The following SLC38A4 variants were observed in gnomAD, a reference collection of about 807,000 sequenced individuals.
The protein encoded by SLC38A4 is solute carrier family 38 member 4.
SLC38A4 carries 20 observed loss-of-function variants against 63.1 expected under a neutral mutation model. That is an observed-to-expected ratio of 0.32 (90% CI 0.22 to 0.46). The LOEUF (loss-of-function observed/expected upper bound fraction) is 0.46. Ranked by LOEUF, SLC38A4 falls within the 20% of genes least tolerant of loss-of-function variation. The pLI, the probability that SLC38A4 is intolerant of heterozygous loss-of-function variation, is 1.00. For synonymous variants in SLC38A4, 230 were observed against 225.5 expected (o/e 1.02, Z -0.18); for missense variants, 526 against 663.6 (o/e 0.79, Z 2.28).
At chr12:46,789,972 G>A (rs1938850856) in intron 3 of SLC38A4, among the ~76,000 whole-genome samples, 1 of 152,144 alleles carries the variant, frequency 6.6e-6, no homozygotes, top group South Asian at 2.1e-4. Context: ...CAGCTACTCA[G>A]GAGGCTGAAG....
intron 10 of SLC38A4, 87 bp from the exon 11 acceptor site, chr12:46,778,863 TG>T: frequency 8.0e-7 from 1 of 1,252,850 alleles, no homozygotes; most frequent in Non-Finnish European, 1.1e-6. Context: ...GCTTATAGGG[TG>T]GGGGGTGAGG....
At chr12:46,780,289 G>A (rs1430864774) in intron 7 of SLC38A4, among the ~76,000 whole-genome samples, 3 of 151,976 alleles carry the variant, frequency 2.0e-5, no homozygotes, top group Non-Finnish European at 4.4e-5. Flanking sequence ...TGAAGCTGCA[G>A]TTCTAAGGTT....
In SLC38A4 at chr12:46,818,216, G is replaced by T. The variant is rs893592214; in HGVS notation, c.-305+7687C>A. On this transcript the variant is annotated intron_variant, in intron 1 of 16. Transcript: ENST00000266579. Reference sequence around the variant, plus strand: ...TCTTGCTGTCACTCATCTTCTGGGAGTATTCTGTAAACTATTGGTAGGTTA... The same window carrying T: ...TCTTGCTGTCACTCATCTTCTGGGATTATTCTGTAAACTATTGGTAGGTTA... Among the ~76,000 whole-genome samples, 7 of 151,846 alleles carry T rather than the reference G, an allele frequency of 4.6e-5. 1 individual carries two copies. Among genetic ancestry groups the T allele is most frequent in the African/African-American group, 1.7e-4 (7 of 41,368 alleles).
intron 16 of SLC38A4, 92 bp downstream of exon 16, chr12:46,768,218 G>T: frequency 1.1e-6 from 1 of 925,260 alleles, no homozygotes; most frequent in Non-Finnish European, 1.6e-6. Context: ...CTTGTACATT[G>T]ATTCATTTTT....
chr12:46,768,649 A>G (rs976395106), intron 15 of SLC38A4, among the ~76,000 whole-genome samples: 3 of 152,120 alleles, frequency 2.0e-5, no homozygotes, highest in African/African-American at 4.8e-5. Context: ...AATAAGCAAC[A>G]AAAGGCTGAA....
chr12:46,826,186 A>G (rs1267717288), upstream of SLC38A4, among the ~76,000 whole-genome samples: 1 of 152,200 alleles, frequency 6.6e-6, no homozygotes, highest in African/African-American at 2.4e-5. Context: ...GAGTGTACCC[A>G]GTGTTATTAA....
chr12:46,813,118 T>A (rs886349560), intron 1 of SLC38A4, among the ~76,000 whole-genome samples: 11 of 152,004 alleles, frequency 7.2e-5, no homozygotes, highest in African/African-American at 2.7e-4. Flanking sequence ...ACATTGGCCC[T>A]GTTTTATTCT....
chr12:46,818,649 A>T (rs758084143), intron 1 of SLC38A4, among the ~76,000 whole-genome samples: 3 of 151,908 alleles, frequency 2.0e-5, no homozygotes, highest in African/African-American at 7.2e-5. Context: ...ATTACATCTA[A>T]ACCACTGTGC....
intron 1 of SLC38A4, among the ~76,000 whole-genome samples, chr12:46,814,988 G>A (rs57646407): frequency 6.6e-6 from 1 of 151,524 alleles, no homozygotes; most frequent in East Asian, 1.9e-4. Flanking sequence ...TTAGAAATGA[G>A]GAGTTTTATT....
chr12:46,815,258 T>TATATATATATATATATATATATAC, intron 1 of SLC38A4, among the ~76,000 whole-genome samples: 1 of 45,342 alleles, frequency 2.2e-5, no homozygotes, highest in African/African-American at 6.0e-5. Context: ...TATATATATA[T>TATATATATATATATATATATATAC]ATATATATAT....
At chr12:46,785,504 G>A (rs1938739563) in intron 5 of SLC38A4, among the ~76,000 whole-genome samples, 1 of 152,016 alleles carries the variant, frequency 6.6e-6, no homozygotes, top group Admixed American at 6.6e-5. Context: ...ATGGGAATAT[G>A]TACATCATAT....
At chr12:46,824,994 C>T (rs58135862) in intron 1 of SLC38A4, among the ~76,000 whole-genome samples, 19,410 of 151,218 alleles carry the variant, frequency 0.13, 1,225 homozygotes, top group South Asian at 0.25. Context: ...TAGGTGGCCT[C>T]TCTGTGCAAC....
chr12:46,775,325 C>A, intron 13 of SLC38A4, 152 bp from the exon 14 acceptor site: 1 of 814,312 alleles, frequency 1.2e-6, no homozygotes. Flanking sequence ...AGCTCATTAG[C>A]TATGCAACCT....
At chr12:46,812,138 T>C (rs1939350782) in intron 1 of SLC38A4, among the ~76,000 whole-genome samples, 1 of 152,090 alleles carries the variant, frequency 6.6e-6, no homozygotes, top group Admixed American at 6.6e-5. Context: ...TAATAGGGTC[T>C]AGTATAGTGT....
intron 7 of SLC38A4, among the ~76,000 whole-genome samples, chr12:46,783,806 A>T (rs141790043): frequency 6.6e-6 from 1 of 151,990 alleles, no homozygotes; most frequent in East Asian, 1.9e-4. Context: ...ATGTGGGGAG[A>T]TGGCTGGGGC....
intron 1 of SLC38A4, among the ~76,000 whole-genome samples, chr12:46,805,017 C>G (rs1939203914): frequency 6.6e-6 from 1 of 151,950 alleles, no homozygotes; most frequent in African/African-American, 2.4e-5. Flanking sequence ...AAAATCAAAT[C>G]TATTCTTGTA....
chr12:46,784,992 G>T, intron 6 of SLC38A4, 112 bp downstream of exon 6: 1 of 974,454 alleles, frequency 1.0e-6, no homozygotes, highest in Non-Finnish European at 1.6e-6. Flanking sequence ...GGGCTCAGAA[G>T]AAAATGAAAT....
intron 4 of SLC38A4, 86 bp downstream of exon 4, chr12:46,788,442 T>G (rs969514904): frequency 1.8e-6 from 2 of 1,085,372 alleles, no homozygotes; most frequent in Admixed American, 1.9e-5. Flanking sequence ...CTTGGAAAAT[T>G]TCAGTCACAT....
At chr12:46,768,284 T>G in intron 16 of SLC38A4, 26 bp downstream of exon 16, 1 of 1,490,054 alleles carries the variant, frequency 6.7e-7, no homozygotes. Context: ...CAACTAATAA[T>G]GGGGGAAATT....
Sources: gnomAD v4.1 joint callset for allele counts (sites outside exome capture counted in the v4.1 genomes callset) on GRCh38, gnomAD v4.1.1 for gene constraint, MANE v1.5 for transcripts, NCBI Gene and HGNC (gene_info 2026-07-23, HGNC 2026-07-21) for gene names.